The following RALY variants were observed in gnomAD, a reference collection of about 807,000 sequenced individuals.
RALY encodes RNA-binding protein Raly.
In RALY, 15 loss-of-function variants were observed where a neutral mutation model predicts 30.7. That is an observed-to-expected ratio of 0.49 (90% confidence interval 0.33 to 0.75). RALY has a LOEUF of 0.75. Among genes scored for constraint, RALY ranks in the 30% least tolerant of loss-of-function variants. The probability of loss-of-function intolerance (pLI) is 0.02; values close to 1 mark genes in which losing one functional copy is unlikely to be tolerated. For missense variants in RALY, 339 were observed against 414.3 expected, an observed-to-expected ratio of 0.82 and a Z score of 1.58; for synonymous variants, 177 against 170.8, an observed-to-expected ratio of 1.04 and a Z score of -0.28.
rs945955765 is a variant in RALY at position 34,079,063 on chromosome 20, C to T, written c.*4+510C>T. Among the ~76,000 whole-genome samples the T allele has an allele frequency of 2.0e-5, 3 of 152,126 alleles. No homozygotes were observed. In the South Asian group the frequency reaches 6.2e-4, roughly 32 times the overall value. ...AGCCTCCTGTGGCTGCAGTGCCCCC[C>T]TAGTTGGTAGAGGACTCTGCTTATT... On this transcript the variant is annotated intron_variant, in intron 9 of 9. Coordinates refer to ENST00000246194, the MANE Select transcript of RALY (RefSeq NM_016732.3).
Position 34,048,853 on chromosome 20 carries a change from C to CAAAA in RALY, c.-10+17264_-10+17267dup, listed in dbSNP as rs58117454. 1.3e-3 allele frequency among the ~76,000 whole-genome samples: 137 copies of CAAAA among 105,622 alleles called. 10 individuals are homozygous for CAAAA. Among genetic ancestry groups the CAAAA allele is most frequent in the East Asian group, 3.4e-3 (11 of 3,202 alleles). The allele number at this position is 105,622 out of a possible 152,430, so 69.3% of individuals were successfully genotyped here. On this transcript the variant is annotated intron_variant, in intron 2 of 9. Transcript: ENST00000246194. ...CCTGGGAGACAGCGAGACTCCGTCT[C>CAAAA]AAAAAAAAAAAAAAAAAATTTTCTC... is the stretch of plus-strand genomic sequence containing the variant.
intron 1 of RALY, among the ~76,000 whole-genome samples, chr20:34,021,217 C>T (rs1030008538): frequency 6.6e-6 from 1 of 152,116 alleles, no homozygotes; most frequent in Non-Finnish European, 1.5e-5. Flanking sequence ...CTGCCTGGAC[C>T]TCCCAAAGTG....
At chr20:34,076,183 G>T in intron 6 of RALY, 143 bp downstream of exon 6, 1 of 1,082,566 alleles carries the variant, frequency 9.2e-7, no homozygotes, top group Non-Finnish European at 1.3e-6. Context: ...GTATTTTCAT[G>T]CATTTCTAAG....
At chr20:33,999,116 T>TC (rs1169266547) in intron 1 of RALY, among the ~76,000 whole-genome samples, 2 of 122,674 alleles carry the variant, frequency 1.6e-5, no homozygotes, top group African/African-American at 6.5e-5. Context: ...GGTGTGAGAC[T>TC]CCATCTCAAA....
chr20:34,078,376 TC>T, intron 8 of RALY, 128 bp from the exon 9 acceptor site: 1 of 748,676 alleles, frequency 1.3e-6, no homozygotes, highest in African/African-American at 1.8e-5. Flanking sequence ...CCTTGGCTGT[TC>T]CTGCGTCTTC....
intron 1 of RALY, among the ~76,000 whole-genome samples, chr20:34,013,075 A>G (rs1451040111): frequency 6.6e-6 from 1 of 152,192 alleles, no homozygotes; most frequent in Admixed American, 6.5e-5. Flanking sequence ...GTATTATAAA[A>G]TAGGCTTTGT....
At chr20:34,032,697 C>T (rs1185187376) in intron 2 of RALY, among the ~76,000 whole-genome samples, 1 of 152,024 alleles carries the variant, frequency 6.6e-6, no homozygotes, top group Non-Finnish European at 1.5e-5. Flanking sequence ...AATTGAGGCT[C>T]AGGAACTGAA....
At chr20:34,017,238 T>G (rs890412422) in intron 1 of RALY, among the ~76,000 whole-genome samples, 1 of 152,372 alleles carries the variant, frequency 6.6e-6, no homozygotes, top group East Asian at 1.9e-4. Context: ...TGTTTATTTC[T>G]CCTTGCAACC....
chr20:34,014,620 T>G (rs1435547686), intron 1 of RALY, among the ~76,000 whole-genome samples: 5 of 152,202 alleles, frequency 3.3e-5, no homozygotes, highest in African/African-American at 1.2e-4. Context: ...AAATTCTGTT[T>G]TAAAAAGCAG....
chr20:34,076,552 TAAG>T, intron 6 of RALY, 147 bp from the exon 7 acceptor site: 1 of 656,886 alleles, frequency 1.5e-6, no homozygotes, highest in Non-Finnish European at 2.6e-6. Context: ...CCAGGTAGTC[TAAG>T]GAGGAGACCT....
At chr20:34,035,360 A>G (rs1256188181) in intron 2 of RALY, among the ~76,000 whole-genome samples, 6 of 152,198 alleles carry the variant, frequency 3.9e-5, no homozygotes, top group Non-Finnish European at 5.9e-5. Flanking sequence ...ATCAGGCACT[A>G]TACTGAATGC....
At chr20:34,076,863 C>T in intron 7 of RALY, 48 bp downstream of exon 7, 1 of 1,601,046 alleles carries the variant, frequency 6.2e-7, no homozygotes. Flanking sequence ...GGGCACAGGG[C>T]AGAGCATGGG....
intron 2 of RALY, among the ~76,000 whole-genome samples, chr20:34,055,650 A>G (rs933717947): frequency 1.3e-5 from 2 of 152,220 alleles, no homozygotes; most frequent in East Asian, 1.9e-4. Flanking sequence ...TTTTAATACA[A>G]TCTCCTCAGG....
At chr20:34,072,697 A>C (rs1284140403) in intron 3 of RALY, among the ~76,000 whole-genome samples, 1 of 152,230 alleles carries the variant, frequency 6.6e-6, no homozygotes, top group East Asian at 1.9e-4. Flanking sequence ...GGAGGGCCTG[A>C]GAGCACAAGG....
At chr20:34,076,838 C>T (rs896453205) in intron 7 of RALY, 23 bp downstream of exon 7, 3 of 1,610,802 alleles carry the variant, frequency 1.9e-6, no homozygotes, top group African/African-American at 2.7e-5. Flanking sequence ...GGATTCTCAC[C>T]CACCTCCATG....
intron 2 of RALY, among the ~76,000 whole-genome samples, chr20:34,058,642 G>T (rs8121280): frequency 2.0e-5 from 3 of 152,222 alleles, no homozygotes; most frequent in Admixed American, 2.0e-4. Flanking sequence ...CTGCGCTAGG[G>T]TTTACTCTCT....
At chr20:34,041,293 C>G (rs1490500143) in intron 2 of RALY, among the ~76,000 whole-genome samples, 4 of 152,176 alleles carry the variant, frequency 2.6e-5, no homozygotes, top group African/African-American at 9.7e-5. Flanking sequence ...GACATGCACA[C>G]ACAAAAGATT....
chr20:34,055,279 A>T (rs922405130), intron 2 of RALY, among the ~76,000 whole-genome samples: 1 of 152,230 alleles, frequency 6.6e-6, no homozygotes, highest in Non-Finnish European at 1.5e-5. Context: ...TCTTCCATGT[A>T]ATAAGCAATT....
intron 2 of RALY, among the ~76,000 whole-genome samples, chr20:34,051,369 TTG>T (rs2033071983): frequency 6.6e-6 from 1 of 152,200 alleles, no homozygotes. Flanking sequence ...CACTTTCTAG[TTG>T]TGTGACCTTT....
Sources: allele counts gnomAD v4.1 joint callset (sites outside exome capture counted in the v4.1 genomes callset), GRCh38; gene constraint gnomAD v4.1.1; transcripts MANE v1.5; gene names NCBI Gene and HGNC (gene_info 2026-07-23, HGNC 2026-07-21).